The following GRIK1 variants were observed in gnomAD, a reference collection of about 807,000 sequenced individuals.
GRIK1 encodes the protein glutamate receptor ionotropic, kainate 1.
In GRIK1, 69 loss-of-function variants were observed where a neutral mutation model predicts 105.7. The ratio of observed to expected loss-of-function variants is 0.65; its 90% CI spans 0.54 to 0.80. The LOEUF (loss-of-function observed/expected upper bound fraction) is 0.80. Ranked by LOEUF, GRIK1 falls within the 30% of genes least tolerant of loss-of-function variation. The pLI is 0.00. For synonymous variants in GRIK1, 438 were observed against 431.3 expected, an observed-to-expected ratio of 1.02 and a Z score of -0.19; for missense variants, 1,109 against 1,167.3, an observed-to-expected ratio of 0.95 and a Z score of 0.73.
chr21:29,600,685 C>T (rs1422087447), intron 7 of GRIK1, among the ~76,000 whole-genome samples: 1 of 152,212 alleles, frequency 6.6e-6, no homozygotes, highest in African/African-American at 2.4e-5. Context: ...TTCCATACCT[C>T]TAGGGCTGAA....
chr21:29,783,361 CA>C (rs1280966502), intron 1 of GRIK1, among the ~76,000 whole-genome samples: 1 of 152,054 alleles, frequency 6.6e-6, no homozygotes, highest in East Asian at 1.9e-4. Context: ...GCTGAATAAA[CA>C]TTAATATTTT....
intron 1 of GRIK1, among the ~76,000 whole-genome samples, chr21:29,768,111 G>A (rs1191151813): frequency 2.0e-5 from 3 of 152,134 alleles, no homozygotes; most frequent in South Asian, 2.1e-4. Flanking sequence ...GTGTTTATAC[G>A]GGAAAATGAT....
In GRIK1 at chr21:29,720,133, A is replaced by T. The variant is rs183146683; in HGVS notation, c.119-26070T>A. On this transcript the variant is annotated intron_variant, in intron 1 of 17. Transcript: ENST00000327783. ...CATTATTTATCCAGATAATAAATAA[A>T]GCCCTTGCCATGGCTCCACAATCCC... 2.6e-5 allele frequency among the ~76,000 whole-genome samples: 4 copies of T among 152,356 alleles called. No individual in the cohort carries two copies. In the East Asian group the frequency reaches 7.7e-4, roughly 29 times the overall value.
chr21:29,569,718 A>T (rs1044956417), intron 14 of GRIK1, among the ~76,000 whole-genome samples: 3 of 152,202 alleles, frequency 2.0e-5, no homozygotes, highest in African/African-American at 7.2e-5. Context: ...CTGGGGAAAA[A>T]AAATGTGACT....
intron 1 of GRIK1, among the ~76,000 whole-genome samples, chr21:29,888,638 C>A (rs1322465009): frequency 6.6e-6 from 1 of 152,098 alleles, no homozygotes; most frequent in Admixed American, 6.6e-5. Flanking sequence ...CAACAGCTAA[C>A]AAATGCCACA....
intron 1 of GRIK1, among the ~76,000 whole-genome samples, chr21:29,931,695 C>T (rs2146360240): frequency 6.6e-6 from 1 of 152,196 alleles, no homozygotes; most frequent in East Asian, 1.9e-4. Context: ...CTGAGGAGCT[C>T]TAGGTGCCAG....
At chr21:29,893,625 G>T (rs2069992209) in intron 1 of GRIK1, among the ~76,000 whole-genome samples, 1 of 152,146 alleles carries the variant, frequency 6.6e-6, no homozygotes, top group Admixed American at 6.5e-5. Flanking sequence ...CTATATGTAG[G>T]GCTGTTATTG....
At chr21:29,825,228 T>C (rs1336373598) in intron 1 of GRIK1, among the ~76,000 whole-genome samples, 1 of 152,038 alleles carries the variant, frequency 6.6e-6, no homozygotes, top group African/African-American at 2.4e-5. Context: ...AAGTTTATAG[T>C]GGCAAGAGCA....
chr21:29,801,982 G>T (rs1402614750), intron 1 of GRIK1, among the ~76,000 whole-genome samples: 1 of 152,134 alleles, frequency 6.6e-6, no homozygotes, highest in Non-Finnish European at 1.5e-5. Flanking sequence ...ATTCAGAGGT[G>T]CAAGAAATTT....
chr21:29,602,604 A>G (rs1316737825), intron 7 of GRIK1, among the ~76,000 whole-genome samples: 1 of 152,174 alleles, frequency 6.6e-6, no homozygotes, highest in Admixed American at 6.5e-5. Flanking sequence ...CCTGAAGGCA[A>G]GAATGCCTGA....
chr21:29,664,709 G>C (rs536567045), intron 4 of GRIK1, among the ~76,000 whole-genome samples: 1 of 152,170 alleles, frequency 6.6e-6, no homozygotes, highest in Non-Finnish European at 1.5e-5. Flanking sequence ...TTGGCTAACA[G>C]TCATGGGAAA....
intron 1 of GRIK1, among the ~76,000 whole-genome samples, chr21:29,794,137 G>C (rs541668301): frequency 6.6e-6 from 1 of 152,186 alleles, no homozygotes; most frequent in South Asian, 2.1e-4. Context: ...ACCAAAAATA[G>C]GATTTTGTTT....
At chr21:29,904,574 T>C (rs1162767515) in intron 1 of GRIK1, among the ~76,000 whole-genome samples, 2 of 152,152 alleles carry the variant, frequency 1.3e-5, no homozygotes, top group Non-Finnish European at 2.9e-5. Context: ...GACTCACGCT[T>C]CTCAGACCTA....
At chr21:29,861,023 G>A (rs1388679333) in intron 1 of GRIK1, among the ~76,000 whole-genome samples, 2 of 151,356 alleles carry the variant, frequency 1.3e-5, no homozygotes, top group Non-Finnish European at 2.9e-5. Context: ...TTCTTTCAAA[G>A]TGGCTACTAG....
At chr21:29,855,251 G>A (rs1273600751) in intron 1 of GRIK1, among the ~76,000 whole-genome samples, 2 of 152,112 alleles carry the variant, frequency 1.3e-5, no homozygotes, top group Non-Finnish European at 2.9e-5. Flanking sequence ...GAGTGAAAGA[G>A]ACACAAATTA....
intron 1 of GRIK1, among the ~76,000 whole-genome samples, chr21:29,768,683 G>A (rs2065736946): frequency 6.6e-6 from 1 of 152,222 alleles, no homozygotes; most frequent in Non-Finnish European, 1.5e-5. Context: ...GATCGGAGGA[G>A]CCCGGGGAGG....
rs1466767007 is a variant in GRIK1 at position 29,692,738 on chromosome 21, C to CT, written c.286+1157dup. Among the ~76,000 whole-genome samples the CT allele has an allele frequency of 7.2e-5, 11 of 151,858 alleles. No individual in the cohort carries two copies. The East Asian group carries it at 7.8e-4, about 11-fold the overall frequency. Reference sequence around the variant, plus strand: ...AGGCACCTGCCACCATGCCCGGCTACTTTTTTTTGTATTTTTAGTAGAGAC... The same window carrying CT: ...AGGCACCTGCCACCATGCCCGGCTACTTTTTTTTTGTATTTTTAGTAGAGAC... On this transcript the variant is annotated intron_variant, in intron 2 of 17. Coordinates refer to ENST00000327783, the MANE Select transcript of GRIK1 (RefSeq NM_001330994.2).
At chr21:29,758,739 T>C (rs1331309392) in intron 1 of GRIK1, 1 of 152,632 alleles carries the variant, frequency 6.6e-6, no homozygotes, top group African/African-American at 2.4e-5. Flanking sequence ...CTGAGCAAAA[T>C]TATGAAAGGA....
At chr21:29,650,500 T>G (rs1222904947) in intron 6 of GRIK1, among the ~76,000 whole-genome samples, 3 of 152,116 alleles carry the variant, frequency 2.0e-5, no homozygotes, top group Non-Finnish European at 4.4e-5. Context: ...AGACAAATGA[T>G]GTTAGGGAGA....
Sources: allele counts gnomAD v4.1 joint callset (sites outside exome capture counted in the v4.1 genomes callset), GRCh38; gene constraint gnomAD v4.1.1; transcripts MANE v1.5; gene names NCBI Gene and HGNC (gene_info 2026-07-23, HGNC 2026-07-21).